Variants in FOXP2 observed in about 807,000 individuals in gnomAD.
FOXP2 encodes the protein forkhead box P2, also known as forkhead box protein P2.
A neutral mutation model predicts 115.8 loss-of-function variants in FOXP2; 12 were observed. That is an observed-to-expected ratio of 0.10 (90% CI 0.07 to 0.17). The LOEUF is 0.17. Among genes scored for constraint, FOXP2 ranks in the 10% least tolerant of loss-of-function variants. The pLI, the probability that FOXP2 is intolerant of heterozygous loss-of-function variation, is 1.00. For missense variants in FOXP2, 629 were observed against 843.5 expected (o/e 0.75, Z 3.15); for synonymous variants, 328 against 297.7 (o/e 1.10, Z -1.05).
exon 1 of FOXP2, chr7:114,163,041 A>G (rs1792883333): frequency 6.6e-6 from 1 of 152,186 alleles, no homozygotes; most frequent in Non-Finnish European, 1.5e-5. Flanking sequence ...CACAAAGAAT[A>G]AGATTCCTCA....
At chr7:114,652,978 T>C (rs1219399271) in intron 9 of FOXP2, among the ~76,000 whole-genome samples, 2 of 152,188 alleles carry the variant, frequency 1.3e-5, no homozygotes, top group African/African-American at 2.4e-5. Context: ...TGACTCTTGT[T>C]ATGTTTTACT....
intron 1 of FOXP2, among the ~76,000 whole-genome samples, chr7:114,425,170 A>G (rs1230530814): frequency 1.3e-5 from 2 of 151,636 alleles, no homozygotes; most frequent in African/African-American, 2.4e-5. Context: ...TTGCTTTATA[A>G]TAAATGCCTT....
intron 2 of FOXP2, among the ~76,000 whole-genome samples, chr7:114,397,575 G>T (rs956022273): frequency 6.6e-6 from 1 of 152,108 alleles, no homozygotes; most frequent in South Asian, 2.1e-4. Flanking sequence ...GCGTTGCAAA[G>T]AGATTGAAGA....
chr7:114,405,865 C>G (rs1015933093), intron 2 of FOXP2, among the ~76,000 whole-genome samples: 1 of 151,694 alleles, frequency 6.6e-6, no homozygotes, highest in African/African-American at 2.4e-5. Flanking sequence ...CATATTGGCT[C>G]TCTTGCTCCC....
At chr7:114,189,457 A>G (rs576467550) in intron 1 of FOXP2, among the ~76,000 whole-genome samples, 1 of 152,138 alleles carries the variant, frequency 6.6e-6, no homozygotes, top group South Asian at 2.1e-4. Flanking sequence ...TCCCATAAAG[A>G]TATACTCTCC....
At chr7:114,118,452 T>TA (rs1791469214) in intron 1 of FOXP2, among the ~76,000 whole-genome samples, 1 of 149,254 alleles carries the variant, frequency 6.7e-6, no homozygotes, top group South Asian at 2.1e-4. Context: ...TTTTTTTGGA[T>TA]ACCCCCCTTT....
chr7:114,531,980 G>A (rs1348737488), intron 2 of FOXP2, among the ~76,000 whole-genome samples: 1 of 151,910 alleles, frequency 6.6e-6, no homozygotes, highest in African/African-American at 2.4e-5. Context: ...AATGGATGGG[G>A]TCCTGAGCTT....
chr7:114,555,254 T>C (rs1378027965), intron 3 of FOXP2, among the ~76,000 whole-genome samples: 7 of 152,214 alleles, frequency 4.6e-5, no homozygotes, highest in African/African-American at 2.4e-5. Flanking sequence ...TTACATTATC[T>C]ACAGTCAAGT....
chr7:114,199,968 C>T lies in FOXP2; in HGVS notation c.-102+36880C>T, dbSNP rs575741502. Among the ~76,000 whole-genome samples the T allele has an allele frequency of 5.9e-5, 9 of 152,188 alleles. No homozygotes were observed. The East Asian group carries it at 1.5e-3, about 26-fold the overall frequency. Reference sequence around the variant, plus strand: ...CAAATAAAGATTTTTATAAGTAAAACACTATAGAAGGTATTTTACTTTCAT... The same window carrying T: ...CAAATAAAGATTTTTATAAGTAAAATACTATAGAAGGTATTTTACTTTCAT... On this transcript the variant is annotated intron_variant, in intron 1 of 17. Coordinates refer to the FOXP2 transcript ENST00000634411.
At chr7:114,570,966 T>G (rs1563006576) in intron 3 of FOXP2, 1 of 1,148,566 alleles carries the variant, frequency 8.7e-7, no homozygotes, top group Non-Finnish European at 1.3e-6. Flanking sequence ...TATGTGATTT[T>G]CTATAGCCAA....
intron 2 of FOXP2, among the ~76,000 whole-genome samples, chr7:114,381,845 AG>A (rs1418516980): frequency 2.6e-5 from 4 of 151,904 alleles, no homozygotes; most frequent in Non-Finnish European, 5.9e-5. Flanking sequence ...CTCGGGTCTG[AG>A]GGGGTACTGC....
upstream of FOXP2, among the ~76,000 whole-genome samples, chr7:114,158,804 T>C (rs764301637): frequency 4.3e-4 from 65 of 152,284 alleles, no homozygotes; most frequent in Non-Finnish European, 8.2e-4. Context: ...GTCTGTTTTA[T>C]GTTGCCTTGG....
intron 2 of FOXP2, among the ~76,000 whole-genome samples, chr7:114,528,465 G>A (rs536699438): frequency 2.0e-4 from 30 of 151,972 alleles, no homozygotes; most frequent in African/African-American, 6.5e-4. Flanking sequence ...CTCCACAAGT[G>A]TGCAGTGCTT....
intron 2 of FOXP2, among the ~76,000 whole-genome samples, chr7:114,509,169 C>T (rs149388717): frequency 6.6e-6 from 1 of 152,024 alleles, no homozygotes. Context: ...TTCAGGGTAG[C>T]AACTGGACAG....
At chr7:114,575,027 G>A (rs1282245629) in intron 3 of FOXP2, among the ~76,000 whole-genome samples, 1 of 151,818 alleles carries the variant, frequency 6.6e-6, no homozygotes, top group African/African-American at 2.4e-5. Context: ...AACAGGGATA[G>A]TGATGCTTTT....
At chr7:114,141,277 C>T (rs1455902280) in intron 1 of FOXP2, among the ~76,000 whole-genome samples, 1 of 152,030 alleles carries the variant, frequency 6.6e-6, no homozygotes, top group African/African-American at 2.4e-5. Context: ...AAGCATTTCC[C>T]CCAATATCAT....
At chr7:114,103,282 T>G (rs545821537) in intron 1 of FOXP2, among the ~76,000 whole-genome samples, 3 of 152,200 alleles carry the variant, frequency 2.0e-5, no homozygotes, top group Admixed American at 2.0e-4. Context: ...AGTATCTGAC[T>G]GGAATGGGAC....
At chr7:114,472,030 T>C (rs1423504405) in intron 2 of FOXP2, among the ~76,000 whole-genome samples, 4 of 151,862 alleles carry the variant, frequency 2.6e-5, no homozygotes, top group Non-Finnish European at 4.4e-5. Flanking sequence ...ACTCCAAAGC[T>C]CATGTGCTGC....
In FOXP2 at chr7:114,536,991, T is replaced by C. The variant is rs188185769; in HGVS notation, c.258+2285T>C. ...CCAATAAAAGCTTAACAGCATTTGATACTAGCTTACACATCTGTTGTCAAA... is the reference window on the plus strand; with the variant it reads ...CCAATAAAAGCTTAACAGCATTTGACACTAGCTTACACATCTGTTGTCAAA... On this transcript the variant is annotated intron_variant, in intron 3 of 16. Transcript: ENST00000350908. Among the ~76,000 whole-genome samples, 743 of 151,720 alleles carry C rather than the reference T, an allele frequency of 4.9e-3. 2 individuals are homozygous for C. The highest frequency in any genetic ancestry group is 7.7e-3 in the Non-Finnish European group (518 of 67,612).
Sources: allele counts gnomAD v4.1 joint callset (sites outside exome capture counted in the v4.1 genomes callset), GRCh38; gene constraint gnomAD v4.1.1; transcripts MANE v1.5; gene names NCBI Gene and HGNC (gene_info 2026-07-23, HGNC 2026-07-21).